Variants in CACNB2 observed in about 807,000 individuals in gnomAD.
CACNB2 encodes the protein voltage-dependent L-type calcium channel subunit beta-2.
CACNB2 carries 42 observed loss-of-function variants against 73.3 expected under a neutral mutation model. That is an observed-to-expected ratio of 0.57 (90% CI 0.45 to 0.74). CACNB2 has a LOEUF of 0.74. Ranked by LOEUF, CACNB2 falls within the 30% of genes least tolerant of loss-of-function variation. CACNB2 has a pLI of 0.00. For missense variants in CACNB2, 940 were observed against 853.0 expected (o/e 1.10, Z -1.27); for synonymous variants, 348 against 310.3 (o/e 1.12, Z -1.28).
intron 1 of CACNB2, among the ~76,000 whole-genome samples, chr10:18,144,693 A>T (rs893492358): frequency 6.6e-6 from 1 of 152,256 alleles, no homozygotes; most frequent in African/African-American, 2.4e-5. Context: ...GATGAAATAA[A>T]GAATATAACA....
At chr10:18,343,147 AATTT>A (rs2041301913) in intron 2 of CACNB2, among the ~76,000 whole-genome samples, 1 of 152,148 alleles carries the variant, frequency 6.6e-6, no homozygotes, top group South Asian at 2.1e-4. Flanking sequence ...TTAAGTGCAT[AATTT>A]ATTTATGAAT....
intron 2 of CACNB2, among the ~76,000 whole-genome samples, chr10:18,291,320 C>T (rs997517723): frequency 6.6e-6 from 1 of 152,164 alleles, no homozygotes; most frequent in Non-Finnish European, 1.5e-5. Flanking sequence ...GTGGTAGCTA[C>T]CAAGCTTCTT....
chr10:18,411,991 C>G (rs150530794), intron 3 of CACNB2, among the ~76,000 whole-genome samples: 1 of 152,274 alleles, frequency 6.6e-6, no homozygotes, highest in East Asian at 1.9e-4. Context: ...CATCCCTGGC[C>G]AGCTTTCTGG....
intron 3 of CACNB2, among the ~76,000 whole-genome samples, chr10:18,410,679 T>TG (rs2044571152): frequency 6.6e-6 from 1 of 151,762 alleles, no homozygotes; most frequent in Non-Finnish European, 1.5e-5. Flanking sequence ...GGGCTACTTA[T>TG]GGGGAAAAAA....
chr10:18,425,384 T>C (rs1331007603), intron 3 of CACNB2, among the ~76,000 whole-genome samples: 2 of 152,200 alleles, frequency 1.3e-5, no homozygotes, highest in African/African-American at 2.4e-5. Context: ...AATTCTTTCC[T>C]GGCCAGGTGT....
At chr10:18,458,953 T>C (rs2047423560) in intron 3 of CACNB2, among the ~76,000 whole-genome samples, 1 of 151,802 alleles carries the variant, frequency 6.6e-6, no homozygotes, top group Non-Finnish European at 1.5e-5. Flanking sequence ...TTTGTAGAGA[T>C]GGGTTTTCAC....
chr10:18,192,028 A>G (rs2034421044), intron 2 of CACNB2, among the ~76,000 whole-genome samples: 3 of 151,782 alleles, frequency 2.0e-5, no homozygotes, highest in Non-Finnish European at 2.9e-5. Context: ...TCATATCAAT[A>G]TAAGGTACAA....
At chr10:18,487,278 C>T (rs1250373437) in intron 3 of CACNB2, among the ~76,000 whole-genome samples, 4 of 152,180 alleles carry the variant, frequency 2.6e-5, no homozygotes, top group Non-Finnish European at 5.9e-5. Flanking sequence ...CATCTATTGG[C>T]ACAGCTGCGG....
At chr10:18,350,523 G>C (rs1419638122) in intron 2 of CACNB2, among the ~76,000 whole-genome samples, 1 of 152,142 alleles carries the variant, frequency 6.6e-6, no homozygotes, top group East Asian at 1.9e-4. Flanking sequence ...GGCCCCAGCT[G>C]CTAGAGCAGC....
intron 6 of CACNB2, among the ~76,000 whole-genome samples, chr10:18,509,186 G>T (rs1195471410): frequency 6.6e-6 from 1 of 152,228 alleles, no homozygotes; most frequent in Admixed American, 6.5e-5. Context: ...CGAAAGAGAA[G>T]TTCTCCCAAT....
chr10:18,189,606 T>G (rs1335772283), intron 2 of CACNB2, among the ~76,000 whole-genome samples: 1 of 152,244 alleles, frequency 6.6e-6, no homozygotes, highest in Non-Finnish European at 1.5e-5. Flanking sequence ...TACCATAGTT[T>G]AAATACTTTT....
chr10:18,539,494 C>T lies in CACNB2; in HGVS notation c.1753C>T (p.His585Tyr), dbSNP rs772557073. ...TGACCACGTGGACCACTATGCCTCA[C>T]ACCGTGACCACAACCACAGAGACGA... ...SHDHVDHYASHRDHNHRDETH... is the reference protein window; with the variant it reads ...SHDHVDHYASYRDHNHRDETH... The change falls in exon 14 of 14, where the codon CAC becomes TAC. Residue 585 changes from histidine (H) to tyrosine (Y), a missense_variant. By Grantham distance (83) the His-to-Tyr change is moderately conservative. Coordinates refer to ENST00000324631, the MANE Select transcript of CACNB2 (RefSeq NM_201596.3). 3 of 1,613,890 alleles carry T rather than the reference C, an allele frequency of 1.9e-6. No homozygotes were observed. The highest frequency in any genetic ancestry group is 2.5e-6 in the Non-Finnish European group (3 of 1,180,012).
chr10:18,220,036 G>A (rs1249190421), intron 2 of CACNB2, among the ~76,000 whole-genome samples: 1 of 143,206 alleles, frequency 7.0e-6, no homozygotes, highest in African/African-American at 2.5e-5. Flanking sequence ...CAAAATGCTG[G>A]GATTACAGGT....
chr10:18,336,032 G>T (rs2040991903), intron 2 of CACNB2, among the ~76,000 whole-genome samples: 1 of 152,168 alleles, frequency 6.6e-6, no homozygotes, highest in Admixed American at 6.5e-5. Flanking sequence ...GGTTTGGAAA[G>T]CTGATACTCA....
At chr10:18,422,117 C>G (rs16917330) in intron 3 of CACNB2, among the ~76,000 whole-genome samples, 11,323 of 152,280 alleles carry the variant, frequency 0.074, 514 homozygotes, top group Non-Finnish European at 0.1. Context: ...AAGACCGTTT[C>G]AAGTTCAGCA....
chr10:18,464,419 A>T (rs11014352), intron 3 of CACNB2, among the ~76,000 whole-genome samples: 748 of 27,866 alleles, frequency 0.027, 20 homozygotes, highest in Middle Eastern at 0.042. Flanking sequence ...CTCAAAAATT[A>T]AAAAAAAAAA....
At chr10:18,370,204 A>G (rs1464198259) in intron 2 of CACNB2, among the ~76,000 whole-genome samples, 1 of 151,962 alleles carries the variant, frequency 6.6e-6, no homozygotes, top group East Asian at 1.9e-4. Context: ...CTTCTACTAG[A>G]CTCCTTTCTG....
intron 2 of CACNB2, among the ~76,000 whole-genome samples, chr10:18,231,246 G>C (rs570186326): frequency 6.6e-6 from 1 of 152,010 alleles, no homozygotes; most frequent in Non-Finnish European, 1.5e-5. Context: ...GCCCGATCTC[G>C]GCTCACTGCA....
intron 1 of CACNB2, among the ~76,000 whole-genome samples, chr10:18,148,703 C>T (rs11012808): frequency 0.29 from 43,808 of 151,956 alleles, 6,542 homozygotes; most frequent in South Asian, 0.34. Flanking sequence ...CATTTAAAAA[C>T]GGTACTGGAG....
Sources: gnomAD v4.1 joint callset for allele counts (sites outside exome capture counted in the v4.1 genomes callset) on GRCh38, gnomAD v4.1.1 for gene constraint, MANE v1.5 for transcripts, NCBI Gene and HGNC (gene_info 2026-07-23, HGNC 2026-07-21) for gene names.